The following PIEZO2 variants were observed in gnomAD, a reference collection of about 807,000 sequenced individuals.
PIEZO2 encodes piezo type mechanosensitive ion channel component 2.
Under a neutral mutation model 337.3 loss-of-function variants are expected in PIEZO2, and 172 were observed. The ratio of observed to expected loss-of-function variants is 0.51; its 90% CI spans 0.45 to 0.58. The LOEUF is 0.58. Among genes scored for constraint, PIEZO2 ranks in the 20% least tolerant of loss-of-function variants. PIEZO2 has a pLI of 0.00. For synonymous variants in PIEZO2, 1,251 were observed against 1,228.5 expected, an observed-to-expected ratio of 1.02 and a Z score of -0.38; for missense variants, 3,028 against 3,391.3, an observed-to-expected ratio of 0.89 and a Z score of 2.66.
chr18:11,097,634 C>T lies in PIEZO2; in HGVS notation c.65-31412G>A, dbSNP rs1436120550. On this transcript the variant is annotated intron_variant, in intron 1 of 55. Coordinates refer to ENST00000674853, the MANE Select transcript of PIEZO2 (RefSeq NM_001378183.1). This position sits in a 1 kb window ranked among gnomAD's most constrained non-coding sequence, Gnocchi z 5.0. The stretch of plus-strand genomic sequence containing the variant: ...GTCTTCACCTGGATGCTCCCCTTCA[C>T]ATATTAGTTTCATTTCAAGTCCTCT... Among the ~76,000 whole-genome samples, 1 of 152,228 alleles carries T rather than the reference C, an allele frequency of 6.6e-6. No homozygotes were observed. The highest frequency in any genetic ancestry group is 1.9e-4 in the East Asian group (1 of 5,204).
At chr18:10,999,308 C>A (rs1017794546) in intron 2 of PIEZO2, among the ~76,000 whole-genome samples, 3 of 151,946 alleles carry the variant, frequency 2.0e-5, no homozygotes, top group African/African-American at 7.2e-5. Context: ...ATATTTTGAT[C>A]TTTTATTTAC....
intron 30 of PIEZO2, among the ~76,000 whole-genome samples, chr18:10,745,315 A>C (rs546138697): frequency 6.6e-6 from 1 of 152,136 alleles, no homozygotes; most frequent in African/African-American, 2.4e-5. Context: ...AATTCTGTCC[A>C]TTAACATGCA....
At chr18:10,975,834 T>G (rs1402486713) in intron 3 of PIEZO2, among the ~76,000 whole-genome samples, 1 of 152,224 alleles carries the variant, frequency 6.6e-6, no homozygotes, top group Non-Finnish European at 1.5e-5. Context: ...TACTTGAATA[T>G]GATCGACTTG....
In PIEZO2 at chr18:11,009,740, C is replaced by T. The variant is rs1457476751; in HGVS notation, c.161-30080G>A. On this transcript the variant is annotated intron_variant, in intron 2 of 55. Coordinates refer to ENST00000674853, the MANE Select transcript of PIEZO2 (RefSeq NM_001378183.1). The surrounding 1 kb of genome is among the most constrained non-coding windows in gnomAD (Gnocchi z 4.6). ...ATGTGACTGTCTTTTGAGATAGGGC[C>T]TTTAAAGAGGTAATTCAGGTAGCAC... Among the ~76,000 whole-genome samples, 1 of 151,984 alleles carries T rather than the reference C, an allele frequency of 6.6e-6. No individual in the cohort carries two copies. The highest frequency in any genetic ancestry group is 1.5e-5 in the Non-Finnish European group (1 of 68,014).
intron 2 of PIEZO2, among the ~76,000 whole-genome samples, chr18:11,045,895 A>G (rs1346757851): frequency 2.0e-5 from 3 of 152,204 alleles, no homozygotes; most frequent in Non-Finnish European, 2.9e-5. Context: ...CGTTGTATGA[A>G]TCACTCAACC....
chr18:11,018,382 C>CGTGTGTGTGTGTGTGTGTGT lies in PIEZO2; in HGVS notation c.161-38742_161-38723dup, dbSNP rs376013388. ...CTGGGGGTTAGGACTCCCAACATGTCGTGTGTGTGTGTGTGTGTGTGTGTG... is the reference window on the plus strand; with the variant it reads ...CTGGGGGTTAGGACTCCCAACATGTCGTGTGTGTGTGTGTGTGTGTGTGTGTGTGTGTGTGTGTGTGTGTG... On this transcript the variant is annotated intron_variant, in intron 2 of 55. Transcript: ENST00000674853. Among the ~76,000 whole-genome samples, 11 of 114,200 alleles carry CGTGTGTGTGTGTGTGTGTGT rather than the reference C, an allele frequency of 9.6e-5. No homozygotes were observed. The East Asian group carries it at 1.6e-3, about 17-fold the overall frequency. The allele number at this position is 114,200 out of a possible 152,430, so 74.9% of individuals were successfully genotyped here.
chr18:11,147,438 C>G, intron 1 of PIEZO2, among the ~76,000 whole-genome samples: 1 of 152,228 alleles, frequency 6.6e-6, no homozygotes, highest in East Asian at 1.9e-4. Flanking sequence ...TCACCAATCA[C>G]GCTACAGCCC....
intron 1 of PIEZO2, among the ~76,000 whole-genome samples, chr18:11,117,121 G>A (rs1323306070): frequency 6.6e-6 from 1 of 152,090 alleles, no homozygotes; most frequent in Non-Finnish European, 1.5e-5. Context: ...CAAAAAAATT[G>A]TGTATTTCAA....
intron 2 of PIEZO2, among the ~76,000 whole-genome samples, chr18:11,020,972 A>T: frequency 6.6e-6 from 1 of 152,240 alleles, no homozygotes; most frequent in Admixed American, 6.5e-5. Flanking sequence ...AAGGTACAAA[A>T]AGCAGATGCA....
chr18:10,936,578 G>C (rs1241992265), intron 3 of PIEZO2, among the ~76,000 whole-genome samples: 1 of 152,090 alleles, frequency 6.6e-6, no homozygotes, highest in Non-Finnish European at 1.5e-5. Context: ...AATTCTTCTG[G>C]ATGGGGGGAT....
chr18:11,129,505 G>A lies in PIEZO2; in HGVS notation c.64+19020C>T, dbSNP rs1442593905. Reference sequence around the variant, plus strand: ...TATACAAACAGAAAACTTCTAGGTCGAATGGACAAAAGACTAATTTGAATT... The same window carrying A: ...TATACAAACAGAAAACTTCTAGGTCAAATGGACAAAAGACTAATTTGAATT... On this transcript the variant is annotated intron_variant, in intron 1 of 55. Transcript: ENST00000674853. The surrounding 1 kb of genome is among the most constrained non-coding windows in gnomAD (Gnocchi z 4.6). 2.6e-5 allele frequency among the ~76,000 whole-genome samples: 4 copies of A among 152,128 alleles called. No homozygotes were observed. The highest frequency in any genetic ancestry group is 2.6e-4 in the Admixed American group (4 of 15,282).
intron 4 of PIEZO2, among the ~76,000 whole-genome samples, chr18:10,876,597 G>A (rs1048413014): frequency 6.6e-6 from 1 of 152,074 alleles, no homozygotes; most frequent in East Asian, 1.9e-4. Context: ...CTACCCATCC[G>A]TTCACTAAGT....
rs561520637 is a variant in PIEZO2 at position 10,999,070 on chromosome 18, T to C, written c.161-19410A>G. 2.0e-5 allele frequency among the ~76,000 whole-genome samples: 3 copies of C among 152,030 alleles called. No individual in the cohort carries two copies. In the East Asian group the frequency reaches 5.8e-4, roughly 29 times the overall value. On this transcript the variant is annotated intron_variant, in intron 2 of 55. Coordinates refer to ENST00000674853, the MANE Select transcript of PIEZO2 (RefSeq NM_001378183.1). The stretch of plus-strand genomic sequence containing the variant: ...GGAGGATCCATGGTTCTTTGGAGTG[T>C]GCCAATTTTTGTAAACTAAGTTTGA...
intron 34 of PIEZO2, among the ~76,000 whole-genome samples, 189 bp from the exon 35 acceptor site, chr18:10,735,519 G>A (rs963851199): frequency 6.6e-6 from 1 of 152,186 alleles, no homozygotes; most frequent in Non-Finnish European, 1.5e-5. Context: ...ATCATTGCAT[G>A]TAATCCATCC....
chr18:10,768,067 A>AT (rs1017318741), intron 21 of PIEZO2, among the ~76,000 whole-genome samples: 15 of 152,162 alleles, frequency 9.9e-5, no homozygotes, highest in South Asian at 4.1e-4. Context: ...TGTACAGTGG[A>AT]TTTTTTTAAA....
chr18:10,981,480 A>G (rs181692031), intron 2 of PIEZO2, among the ~76,000 whole-genome samples: 101 of 152,324 alleles, frequency 6.6e-4, no homozygotes, highest in African/African-American at 2.3e-3. Context: ...ATAGCATTTG[A>G]TCTTCTACCT....
At chr18:10,678,766 G>A (rs1035763265) in intron 52 of PIEZO2, among the ~76,000 whole-genome samples, 9 of 152,106 alleles carry the variant, frequency 5.9e-5, no homozygotes, top group African/African-American at 1.2e-4. Context: ...CAGGGGCCAC[G>A]TGCTGGCCAC....
chr18:10,818,606 G>A (rs767229636), intron 7 of PIEZO2, among the ~76,000 whole-genome samples: 33 of 152,178 alleles, frequency 2.2e-4, no homozygotes, highest in Non-Finnish European at 4.4e-5. Context: ...ATTGCATACT[G>A]AGAATTTGCT....
Position 10,950,210 on chromosome 18 carries a change from T to C in PIEZO2, c.286+29325A>G, listed in dbSNP as rs142167086. Among the ~76,000 whole-genome samples, 530 of 152,304 alleles carry C rather than the reference T, an allele frequency of 3.5e-3. 3 individuals carry two copies. In the Middle Eastern group the frequency reaches 0.048, roughly 14 times the overall value. On this transcript the variant is annotated intron_variant, in intron 3 of 55. Coordinates refer to ENST00000674853, the MANE Select transcript of PIEZO2 (RefSeq NM_001378183.1). ...AGCATAGATAAGCCCACTTTTTTCATTTGCAAATTAGTATGCTCTATGTAA... is the reference window on the plus strand; with the variant it reads ...AGCATAGATAAGCCCACTTTTTTCACTTGCAAATTAGTATGCTCTATGTAA...
Sources: allele counts gnomAD v4.1 joint callset (sites outside exome capture counted in the v4.1 genomes callset), GRCh38; gene constraint gnomAD v4.1.1; non-coding constraint Gnocchi (gnomAD v3.1); transcripts MANE v1.5; gene names NCBI Gene and HGNC (gene_info 2026-07-23, HGNC 2026-07-21).